Variants in SNTG1 observed in about 807,000 individuals in gnomAD.
The protein encoded by SNTG1 is syntrophin gamma 1, also known as gamma-1-syntrophin.
Under a neutral mutation model 74.7 loss-of-function variants are expected in SNTG1, and 39 were observed. The observed-to-expected ratio is 0.52, with a 90% confidence interval of 0.40 to 0.68. The LOEUF is 0.68. Ranked by LOEUF, SNTG1 falls within the 30% of genes least tolerant of loss-of-function variation. The pLI, the probability that SNTG1 is intolerant of heterozygous loss-of-function variation, is 0.00. For synonymous variants in SNTG1, 254 were observed against 217.1 expected (o/e 1.17, Z -1.49); for missense variants, 685 against 609.5 (o/e 1.12, Z -1.30).
At chr8:50,013,210 G>A (rs16914203) in intron 1 of SNTG1, among the ~76,000 whole-genome samples, 1 of 152,074 alleles carries the variant, frequency 6.6e-6, no homozygotes, top group African/African-American at 2.4e-5. Context: ...CATAGAAACA[G>A]TACTATTCTT....
intron 2 of SNTG1, among the ~76,000 whole-genome samples, chr8:50,294,589 T>A (rs900920570): frequency 6.6e-6 from 1 of 151,864 alleles, no homozygotes; most frequent in African/African-American, 2.4e-5. Context: ...AAAGAAGGAG[T>A]CAGTCTTTAG....
chr8:50,679,014 A>G (rs889225792), intron 15 of SNTG1, among the ~76,000 whole-genome samples: 1 of 152,106 alleles, frequency 6.6e-6, no homozygotes, highest in Admixed American at 6.6e-5. Flanking sequence ...AATAATAGCT[A>G]CATTTTTGAT....
intron 1 of SNTG1, among the ~76,000 whole-genome samples, chr8:49,955,884 G>A (rs1010971538): frequency 6.6e-6 from 1 of 152,300 alleles, no homozygotes; most frequent in African/African-American, 2.4e-5. Context: ...AGTAAGCTCT[G>A]AGAAGCCCTT....
chr8:50,607,969 A>G (rs1353384945), intron 13 of SNTG1, among the ~76,000 whole-genome samples: 1 of 151,610 alleles, frequency 6.6e-6, no homozygotes, highest in East Asian at 1.9e-4. Context: ...ACACTTGTCT[A>G]TTTAGAAGAG....
At chr8:50,476,885 C>CACACACAG (rs1406079133) in intron 8 of SNTG1, among the ~76,000 whole-genome samples, 1 of 151,384 alleles carries the variant, frequency 6.6e-6, no homozygotes, top group Non-Finnish European at 1.5e-5. Flanking sequence ...CACACACACA[C>CACACACAG]AGAGGGATAA....
At chr8:50,273,085 G>A (rs367989448) in intron 2 of SNTG1, among the ~76,000 whole-genome samples, 2 of 152,144 alleles carry the variant, frequency 1.3e-5, no homozygotes, top group Admixed American at 6.6e-5. Flanking sequence ...ATAAGAAATA[G>A]TTATCTGAAA....
intron 13 of SNTG1, among the ~76,000 whole-genome samples, chr8:50,652,653 C>T (rs1178383511): frequency 2.6e-5 from 4 of 151,828 alleles, no homozygotes; most frequent in African/African-American, 9.7e-5. Context: ...AAAAATTAGC[C>T]GGGGTTGGTG....
chr8:50,729,053 C>T (rs1435349541), intron 17 of SNTG1, among the ~76,000 whole-genome samples: 1 of 152,134 alleles, frequency 6.6e-6, no homozygotes, highest in Admixed American at 6.5e-5. Context: ...AAATCTTCGC[C>T]TTTTGTTCTA....
At chr8:50,714,687 C>T (rs1399186720) in intron 17 of SNTG1, among the ~76,000 whole-genome samples, 1 of 151,976 alleles carries the variant, frequency 6.6e-6, no homozygotes, top group Non-Finnish European at 1.5e-5. Flanking sequence ...AACAAAGAGA[C>T]ATCAGTACAA....
At chr8:50,568,396 T>A (rs749233659) in intron 12 of SNTG1, among the ~76,000 whole-genome samples, 14 of 152,150 alleles carry the variant, frequency 9.2e-5, no homozygotes, top group Non-Finnish European at 1.8e-4. Flanking sequence ...TAGTTCTGTT[T>A]TTACTTTTTG....
chr8:50,032,792 A>AT (rs1323333087), intron 1 of SNTG1, among the ~76,000 whole-genome samples: 4 of 151,902 alleles, frequency 2.6e-5, no homozygotes, highest in South Asian at 2.1e-4. Flanking sequence ...CTATACATAT[A>AT]TTTTTTTTCA....
intron 16 of SNTG1, chr8:50,708,293 G>C (rs1051472589): frequency 2.0e-5 from 3 of 153,222 alleles, no homozygotes; most frequent in South Asian, 2.1e-4. Flanking sequence ...ATTATCTGTA[G>C]TTATAAACAA....
At chr8:50,405,529 T>C (rs1587499332) in intron 4 of SNTG1, among the ~76,000 whole-genome samples, 1 of 152,192 alleles carries the variant, frequency 6.6e-6, no homozygotes, top group Non-Finnish European at 1.5e-5. Context: ...GCAGGAATTC[T>C]TAATGTATTT....
intron 2 of SNTG1, among the ~76,000 whole-genome samples, chr8:50,325,415 A>G (rs1329039943): frequency 6.6e-6 from 1 of 152,032 alleles, no homozygotes; most frequent in East Asian, 1.9e-4. Flanking sequence ...TAGTTTTTCT[A>G]ATATAGATCT....
intron 2 of SNTG1, among the ~76,000 whole-genome samples, chr8:50,268,250 A>G (rs1358843176): frequency 6.6e-6 from 1 of 152,210 alleles, no homozygotes; most frequent in Non-Finnish European, 1.5e-5. Context: ...CTAAAATGAA[A>G]TCAACCTATA....
At position 50,649,754 on chromosome 8, in the gene SNTG1, G is replaced by A. The variant is rs190549416; in HGVS notation, c.850-7155G>A. On this transcript the variant is annotated intron_variant, in intron 13 of 18. Transcript: ENST00000642720. The stretch of plus-strand genomic sequence containing the variant: ...CTCTTGCCCACTTTTCTACTGGCTC[G>A]TCTTTTTTAGTTTTAGTCTATTATT... Among the ~76,000 whole-genome samples, 27 of 151,504 alleles carry A rather than the reference G, an allele frequency of 1.8e-4. No individual in the cohort carries two copies. In the East Asian group the frequency reaches 4.9e-3, roughly 27 times the overall value.
intron 15 of SNTG1, among the ~76,000 whole-genome samples, chr8:50,699,196 G>T (rs1023021902): frequency 7.3e-6 from 1 of 137,752 alleles, no homozygotes. Context: ...CAGGGAAAAA[G>T]CAAGCAGGAA....
chr8:50,681,923 TG>T (rs2095332498), intron 15 of SNTG1, among the ~76,000 whole-genome samples: 1 of 152,152 alleles, frequency 6.6e-6, no homozygotes, highest in Admixed American at 6.5e-5. Context: ...AGTCAAGAGA[TG>T]TTCTGACTTT....
intron 8 of SNTG1, among the ~76,000 whole-genome samples, chr8:50,464,604 A>G (rs1450461674): frequency 2.0e-5 from 3 of 151,942 alleles, no homozygotes; most frequent in African/African-American, 7.3e-5. Context: ...AAATAATTAT[A>G]ATAGCAACAA....
Sources: allele counts gnomAD v4.1 joint callset (sites outside exome capture counted in the v4.1 genomes callset), GRCh38; gene constraint gnomAD v4.1.1; transcripts MANE v1.5; gene names NCBI Gene and HGNC (gene_info 2026-07-23, HGNC 2026-07-21).